The following ESRRG variants were observed in gnomAD, a reference collection of about 807,000 sequenced individuals.
The protein encoded by ESRRG is estrogen-related receptor gamma.
In ESRRG, 13 loss-of-function variants were observed where a neutral mutation model predicts 44.0. That is an observed-to-expected ratio of 0.30 (90% CI 0.19 to 0.47). ESRRG has a LOEUF of 0.47. ESRRG is among the 20% of genes least tolerant of loss of function. The pLI, the probability that ESRRG is intolerant of heterozygous loss-of-function variation, is 1.00. For synonymous variants in ESRRG, 215 were observed against 214.6 expected (o/e 1.00, Z -0.02); for missense variants, 395 against 580.6 (o/e 0.68, Z 3.29).
At chr1:217,019,235 T>G (rs1035210213) in intron 1 of ESRRG, among the ~76,000 whole-genome samples, 9 of 152,294 alleles carry the variant, frequency 5.9e-5, no homozygotes, top group African/African-American at 2.2e-4. Context: ...TACAAAGCAT[T>G]TAAGCAGGTA....
intron 3 of ESRRG, among the ~76,000 whole-genome samples, chr1:216,596,396 A>C (rs2058445211): frequency 6.6e-6 from 1 of 152,146 alleles, no homozygotes; most frequent in Admixed American, 6.5e-5. Context: ...CTCTCTTCAA[A>C]GTCAGAGGAG....
rs964526506 is a variant in ESRRG, at chr1:217,013,206, T to C, written c.-105-73533A>G. ...ACTCCAAAATATCTTTCTTGGAGTA[T>C]ACAATTCAACCCATAACAAAACTAT... On this transcript the variant is annotated intron_variant, in intron 1 of 7. Coordinates refer to the ESRRG transcript ENST00000359162. Among the ~76,000 whole-genome samples, 2 of 152,348 alleles carry C rather than the reference T, an allele frequency of 1.3e-5. 1 individual carries two copies.
intron 5 of ESRRG, among the ~76,000 whole-genome samples, chr1:216,542,100 G>C (rs1416040896): frequency 1.3e-5 from 2 of 151,746 alleles, no homozygotes; most frequent in East Asian, 3.9e-4. Flanking sequence ...GAGAGAGAGA[G>C]AGAGAGAGAG....
intron 3 of ESRRG, among the ~76,000 whole-genome samples, chr1:216,611,691 G>C (rs1275020561): frequency 6.6e-6 from 1 of 152,006 alleles, no homozygotes. Flanking sequence ...TGCCCTCAAG[G>C]GCCCAGAATC....
intron 2 of ESRRG, among the ~76,000 whole-genome samples, chr1:216,765,461 C>T (rs1472501948): frequency 1.3e-5 from 2 of 152,240 alleles, no homozygotes; most frequent in East Asian, 1.9e-4. Flanking sequence ...GAAAGGTTAA[C>T]TTAACTGTGC....
At chr1:217,009,216 C>A (rs1000903019) in intron 1 of ESRRG, among the ~76,000 whole-genome samples, 2 of 152,158 alleles carry the variant, frequency 1.3e-5, no homozygotes, top group Non-Finnish European at 2.9e-5. Flanking sequence ...CAGCACCCAG[C>A]ACAATGCAGG....
upstream of ESRRG, among the ~76,000 whole-genome samples, chr1:216,727,535 C>T (rs977754185): frequency 6.6e-6 from 1 of 152,042 alleles, no homozygotes; most frequent in African/African-American, 2.4e-5. Context: ...AAGAACACAC[C>T]TTTCCCACTG....
rs78980228 is a variant in ESRRG at position 217,011,910 on chromosome 1, T to A, written c.-105-72237A>T. On this transcript the variant is annotated intron_variant, in intron 1 of 7. Transcript: ENST00000359162. Reference sequence around the variant, plus strand: ...TAGCCCCGAGTTTTGTATACAACTTTGTTTTCACTTTTCTTCGTGCTAGCT... The same window carrying A: ...TAGCCCCGAGTTTTGTATACAACTTAGTTTTCACTTTTCTTCGTGCTAGCT... 3.8e-3 allele frequency among the ~76,000 whole-genome samples: 572 copies of A among 152,296 alleles called. 25 individuals are homozygous for A. In the East Asian group the frequency reaches 0.094, roughly 25 times the overall value.
chr1:216,762,126 C>T (rs1205251623), intron 2 of ESRRG, among the ~76,000 whole-genome samples: 1 of 152,042 alleles, frequency 6.6e-6, no homozygotes, highest in Admixed American at 6.6e-5. Context: ...GTGTAAATTG[C>T]CCAAGGCTCT....
At chr1:216,578,382 T>TCAAACCC (rs1403846596) in intron 3 of ESRRG, among the ~76,000 whole-genome samples, 9 of 152,004 alleles carry the variant, frequency 5.9e-5, no homozygotes, top group Admixed American at 5.9e-4. Context: ...TATTCAAACT[T>TCAAACCC]CAAACCCCAT....
intron 2 of ESRRG, among the ~76,000 whole-genome samples, chr1:216,876,041 A>T (rs147434746): frequency 6.6e-6 from 1 of 152,342 alleles, no homozygotes; most frequent in African/African-American, 2.4e-5. Context: ...CTTATGACCA[A>T]TGTAATCACT....
chr1:217,101,931 C>T (rs1277661752), intron 1 of ESRRG, among the ~76,000 whole-genome samples: 2 of 152,146 alleles, frequency 1.3e-5, no homozygotes, highest in East Asian at 3.9e-4. Flanking sequence ...CTCAGCCTCC[C>T]AAGTAGCTGG....
intron 6 of ESRRG, among the ~76,000 whole-genome samples, chr1:216,509,334 G>A (rs1054141808): frequency 1.3e-5 from 2 of 152,160 alleles, no homozygotes; most frequent in African/African-American, 4.8e-5. Context: ...AGTATGTAGA[G>A]TATTCTCCTT....
At chr1:216,864,934 G>A (rs1242759412) in intron 2 of ESRRG, 1 of 152,022 alleles carries the variant, frequency 6.6e-6, no homozygotes, top group Non-Finnish European at 1.5e-5. Context: ...GAGGCTCAAA[G>A]CTGGGGCCCA....
At chr1:216,741,279 A>ATTTATATTTGTAATTTATATTATATAG (rs1456538268) in intron 2 of ESRRG, among the ~76,000 whole-genome samples, 3,283 of 145,526 alleles carry the variant, frequency 0.023, 144 homozygotes, top group African/African-American at 0.078. Flanking sequence ...ATATTATATA[A>ATTTATATTTGTAATTTATATTATATAG]TTTATATTTG....
At chr1:216,808,661 C>T (rs1479967134) in intron 2 of ESRRG, among the ~76,000 whole-genome samples, 1 of 152,062 alleles carries the variant, frequency 6.6e-6, no homozygotes, top group Non-Finnish European at 1.5e-5. Flanking sequence ...TGGGCTCAAG[C>T]TATCTGCCTA....
At chr1:216,854,934 A>C (rs918509973) in intron 2 of ESRRG, 1 of 152,166 alleles carries the variant, frequency 6.6e-6, no homozygotes, top group Non-Finnish European at 1.5e-5. Flanking sequence ...TAAAGCATAG[A>C]ATTTTTGCTC....
At chr1:217,057,646 T>A (rs576215923) in intron 1 of ESRRG, among the ~76,000 whole-genome samples, 1 of 152,048 alleles carries the variant, frequency 6.6e-6, no homozygotes, top group African/African-American at 2.4e-5. Flanking sequence ...GATAATCTAA[T>A]AATAAATATA....
intron 3 of ESRRG, among the ~76,000 whole-genome samples, chr1:216,625,916 T>C (rs184547984): frequency 2.8e-4 from 43 of 152,282 alleles, no homozygotes; most frequent in African/African-American, 1.0e-3. Flanking sequence ...ACTGTCTCTA[T>C]CTTTGTCTCC....
Sources: gnomAD v4.1 joint callset for allele counts (sites outside exome capture counted in the v4.1 genomes callset) on GRCh38, gnomAD v4.1.1 for gene constraint, MANE v1.5 for transcripts, NCBI Gene and HGNC (gene_info 2026-07-23, HGNC 2026-07-21) for gene names.